LRRIQ3: variants seen among roughly 807,000 people sequenced by gnomAD.
LRRIQ3 encodes leucine rich repeats and IQ motif containing 3, also known as leucine-rich repeat and IQ domain-containing protein 3.
In LRRIQ3, 75 loss-of-function variants were observed where a neutral mutation model predicts 59.3. That is an observed-to-expected ratio of 1.26 (90% CI 1.05 to 1.53). The LOEUF is 1.53. Ranked by LOEUF, LRRIQ3 falls within the 40% of genes most tolerant of loss-of-function variation. LRRIQ3 has a pLI of 0.00. For synonymous variants in LRRIQ3, 250 were observed against 231.3 expected (o/e 1.08, Z -0.73); for missense variants, 831 against 710.0 (o/e 1.17, Z -1.94).
chr1:74,187,391 T>A (rs900318856), intron 1 of LRRIQ3, among the ~76,000 whole-genome samples: 1 of 151,234 alleles, frequency 6.6e-6, no homozygotes, highest in African/African-American at 2.4e-5. Flanking sequence ...CACCATGGAA[T>A]ACCACTCAGC....
intron 5 of LRRIQ3, among the ~76,000 whole-genome samples, chr1:74,102,728 C>T (rs976892085): frequency 2.0e-5 from 3 of 151,782 alleles, no homozygotes; most frequent in Non-Finnish European, 4.4e-5. Flanking sequence ...TTTGATAAAC[C>T]CTCTGTTCAA....
At chr1:74,150,752 C>T (rs1647880667) in intron 4 of LRRIQ3, among the ~76,000 whole-genome samples, 2 of 151,982 alleles carry the variant, frequency 1.3e-5, no homozygotes, top group Non-Finnish European at 1.5e-5. Context: ...ACTCACTATA[C>T]CTGATTCTTT....
At chr1:74,041,186 C>T (rs371000272) in intron 7 of LRRIQ3, 27 bp downstream of exon 7, 146 of 1,472,746 alleles carry the variant, frequency 9.9e-5, no homozygotes, top group Non-Finnish European at 1.3e-4. Context: ...GACTTTAATG[C>T]CTCTGTTATA....
At chr1:74,039,682 A>G (rs1428974828) in intron 7 of LRRIQ3, among the ~76,000 whole-genome samples, 1 of 152,204 alleles carries the variant, frequency 6.6e-6, no homozygotes, top group Non-Finnish European at 1.5e-5. Context: ...TATTCAGCCA[A>G]ACTAAGCTTC....
rs1557667868 is a variant in LRRIQ3, at chr1:74,198,131, A to G, written c.-136T>C. The G allele has an allele frequency of 1.2e-5, 17 of 1,459,652 alleles. No homozygotes were observed. Among genetic ancestry groups the G allele is most frequent in the Non-Finnish European group, 1.5e-5 (17 of 1,103,386 alleles). The allele number at this position is 1,459,652 out of a possible 1,614,324, so 90.4% of individuals were successfully genotyped here. ...ACAAGACAACATCCAAGTTCTCCAC[A>G]TCATGGTTTTCCGGGCGCCAGCCAA... is the stretch of plus-strand genomic sequence containing the variant. On this transcript the variant is annotated 5_prime_UTR_variant, in exon 1 of 8. An upstream start codon of the reference 5' UTR is lost. Transcript: ENST00000354431.
At chr1:74,165,241 C>A (rs951600348) in intron 3 of LRRIQ3, among the ~76,000 whole-genome samples, 2 of 151,326 alleles carry the variant, frequency 1.3e-5, no homozygotes, top group Non-Finnish European at 1.5e-5. Flanking sequence ...ATATAAATTT[C>A]GGTAGAATTG....
intron 3 of LRRIQ3, among the ~76,000 whole-genome samples, chr1:74,179,373 G>T (rs1402271584): frequency 6.6e-6 from 1 of 151,782 alleles, no homozygotes; most frequent in Non-Finnish European, 1.5e-5. Flanking sequence ...TAAGGCACAA[G>T]CTTTAATTAC....
intron 6 of LRRIQ3, among the ~76,000 whole-genome samples, chr1:74,045,680 T>G (rs1255778656): frequency 6.6e-6 from 1 of 152,190 alleles, no homozygotes; most frequent in East Asian, 1.9e-4. Flanking sequence ...TGTCTCTGTT[T>G]GCAGATGACA....
intron 6 of LRRIQ3, among the ~76,000 whole-genome samples, chr1:74,060,152 C>T (rs1214640109): frequency 6.6e-6 from 1 of 151,810 alleles, no homozygotes; most frequent in African/African-American, 2.4e-5. Flanking sequence ...TAACCTGAGT[C>T]GCCTTCTTCT....
chr1:74,084,561 T>C (rs1646307031), intron 5 of LRRIQ3, among the ~76,000 whole-genome samples: 2 of 151,724 alleles, frequency 1.3e-5, no homozygotes, highest in South Asian at 4.2e-4. Flanking sequence ...TGAGAATATA[T>C]ATTTATTTCC....
intron 4 of LRRIQ3, among the ~76,000 whole-genome samples, chr1:74,150,065 T>C (rs966105487): frequency 4.6e-5 from 7 of 152,196 alleles, no homozygotes; most frequent in African/African-American, 1.7e-4. Flanking sequence ...GTGATTAAAA[T>C]TGCTGTTATA....
At chr1:74,041,159 A>G in intron 7 of LRRIQ3, 54 bp downstream of exon 7, 1 of 1,367,584 alleles carries the variant, frequency 7.3e-7, no homozygotes, top group Non-Finnish European at 1.0e-6. Flanking sequence ...TTTAGCATGC[A>G]ATATTCACAT....
chr1:74,058,173 A>C (rs1280990808), intron 6 of LRRIQ3, among the ~76,000 whole-genome samples: 1 of 152,106 alleles, frequency 6.6e-6, no homozygotes, highest in African/African-American at 2.4e-5. Flanking sequence ...GAGGTTCTTC[A>C]AAAAACTAAA....
chr1:74,083,975 A>G, intron 5 of LRRIQ3: 1 of 433,156 alleles, frequency 2.3e-6, no homozygotes, highest in East Asian at 3.6e-5. Context: ...TATCATGAAC[A>G]TTTTAATGCA....
In LRRIQ3 at chr1:74,074,712, G is replaced by T; in HGVS notation, c.946C>A (p.Pro316Thr). 6.8e-7 allele frequency: 1 copy of T among 1,463,538 alleles called. No homozygotes were observed. Among genetic ancestry groups the T allele is most frequent in the Non-Finnish European group, 9.2e-7 (1 of 1,088,328 alleles). The allele number at this position is 1,463,538 out of a possible 1,614,324, so 90.7% of individuals were successfully genotyped here. A position where few individuals can be genotyped will look rare whatever the true frequency, so the allele number is the denominator to read the frequency against. The change falls in exon 6 of 8, where the codon CCA becomes ACA. Residue 316 changes from proline to threonine, a missense_variant. Physicochemically the swap from Pro to Thr is conservative, Grantham distance 38. Coordinates refer to ENST00000354431, the MANE Select transcript of LRRIQ3 (RefSeq NM_001105659.2). The stretch of plus-strand genomic sequence containing the variant: ...TTTGATTTCATGCCTAGATCTTTTG[G>T]TTTTAATTCACATAAAATAGATGAC... ...HVSSILCELK[P>T]KDLGMKSKTS... is the part of the protein sequence containing the mutation.
chr1:74,114,357 T>C (rs905704691), intron 4 of LRRIQ3, among the ~76,000 whole-genome samples: 3 of 152,046 alleles, frequency 2.0e-5, no homozygotes, highest in Admixed American at 2.0e-4. Context: ...GGAAAGGGAA[T>C]AATGCTATAT....
chr1:74,183,427 A>AT lies in LRRIQ3; in HGVS notation c.249+8dup. The AT allele has an allele frequency of 7.1e-6, 11 of 1,549,924 alleles. No homozygotes were observed. Among genetic ancestry groups the AT allele is most frequent in the Non-Finnish European group, 9.6e-6 (11 of 1,149,086 alleles). On this transcript the variant is annotated intron_variant, in intron 2 of 7. Coordinates refer to ENST00000354431, the MANE Select transcript of LRRIQ3 (RefSeq NM_001105659.2). Reference sequence around the variant, plus strand: ...TTATATGCAAATATCTGAAATGGCTATTGCTTACCTGATTTCCATGGAGAT... The same window carrying AT: ...TTATATGCAAATATCTGAAATGGCTATTTGCTTACCTGATTTCCATGGAGAT...
At chr1:74,141,705 G>C (rs1647261934) in intron 4 of LRRIQ3, among the ~76,000 whole-genome samples, 1 of 151,458 alleles carries the variant, frequency 6.6e-6, no homozygotes, top group African/African-American at 2.4e-5. Flanking sequence ...ACAATTTTAT[G>C]TCACTTTTAT....
chr1:74,058,246 T>C (rs1454641841), intron 6 of LRRIQ3, among the ~76,000 whole-genome samples: 1 of 152,046 alleles, frequency 6.6e-6, no homozygotes, highest in Non-Finnish European at 1.5e-5. Flanking sequence ...GAAATGAAAT[T>C]AGTATTCAGA....
Sources: allele counts gnomAD v4.1 joint callset (sites outside exome capture counted in the v4.1 genomes callset), GRCh38; gene constraint gnomAD v4.1.1; transcripts MANE v1.5; gene names NCBI Gene and HGNC (gene_info 2026-07-23, HGNC 2026-07-21).